SEC24B: variants seen among roughly 807,000 people sequenced by gnomAD.
The protein encoded by SEC24B is protein transport protein Sec24B.
A neutral mutation model predicts 142.8 loss-of-function variants in SEC24B; 45 were observed. That is an observed-to-expected ratio of 0.32 (90% confidence interval 0.25 to 0.40). The LOEUF is 0.40. Among genes scored for constraint, SEC24B ranks in the 10% least tolerant of loss-of-function variants. SEC24B has a pLI of 1.00. For missense variants in SEC24B, 1,409 were observed against 1,526.8 expected (o/e 0.92, Z 1.29); for synonymous variants, 574 against 568.2 (o/e 1.01, Z -0.15).
At chr4:109,503,939 C>A (rs1455855838) in intron 6 of SEC24B, among the ~76,000 whole-genome samples, 1 of 152,014 alleles carries the variant, frequency 6.6e-6, no homozygotes, top group African/African-American at 2.4e-5. Context: ...TATTTTATAT[C>A]CTAAATTCTT....
intron 1 of SEC24B, among the ~76,000 whole-genome samples, chr4:109,441,733 A>C (rs917283439): frequency 3.3e-5 from 5 of 152,082 alleles, no homozygotes; most frequent in Non-Finnish European, 5.9e-5. Context: ...TTGGCCCCTC[A>C]CTCATAGCAC....
chr4:109,538,802 G>A (rs1725841355), intron 23 of SEC24B, among the ~76,000 whole-genome samples: 1 of 151,834 alleles, frequency 6.6e-6, no homozygotes. Flanking sequence ...TTTAATTTGA[G>A]ATAGAGTCTC....
At chr4:109,487,444 A>G (rs1030182499) in intron 4 of SEC24B, among the ~76,000 whole-genome samples, 1 of 152,138 alleles carries the variant, frequency 6.6e-6, no homozygotes, top group Non-Finnish European at 1.5e-5. Flanking sequence ...GACAGGTGAG[A>G]GATGCAGGTG....
At chr4:109,533,994 ACTTTC>A (rs1041410356) in intron 22 of SEC24B, among the ~76,000 whole-genome samples, 19 of 150,962 alleles carry the variant, frequency 1.3e-4, no homozygotes, top group African/African-American at 4.4e-4. Context: ...GGCTTCTTTC[ACTTTC>A]CTTAATGTTT....
At chr4:109,531,855 TC>T (rs1724964272) in intron 20 of SEC24B, among the ~76,000 whole-genome samples, 1 of 152,200 alleles carries the variant, frequency 6.6e-6, no homozygotes, top group African/African-American at 2.4e-5. Context: ...CTCTTTATTT[TC>T]TTTTTTTTAA....
Position 109,531,964 on chromosome 4 carries a change from A to G in SEC24B, c.3390+442A>G, listed in dbSNP as rs139505396. Among the ~76,000 whole-genome samples, 1,158 of 152,168 alleles carry G rather than the reference A, an allele frequency of 7.6e-3. 18 individuals carry two copies. The highest frequency in any genetic ancestry group is 0.026 in the African/African-American group (1,079 of 41,516). On this transcript the variant is annotated intron_variant, in intron 20 of 23. Transcript: ENST00000265175. Reference sequence around the variant, plus strand: ...AGCTTCTGCCTCCCAGGTTCAAGCAATTCTGCTTCAGCCACCCAAGTTGCT... The same window carrying G: ...AGCTTCTGCCTCCCAGGTTCAAGCAGTTCTGCTTCAGCCACCCAAGTTGCT...
intron 4 of SEC24B, among the ~76,000 whole-genome samples, chr4:109,483,763 G>A (rs78621698): frequency 1.3e-5 from 2 of 152,026 alleles, no homozygotes; most frequent in Non-Finnish European, 1.5e-5. Context: ...CTCTAAATAC[G>A]TAAGTACCCA....
intron 4 of SEC24B, among the ~76,000 whole-genome samples, chr4:109,483,159 A>C (rs1176341687): frequency 6.7e-6 from 1 of 149,490 alleles, no homozygotes; most frequent in Non-Finnish European, 1.5e-5. Flanking sequence ...GGCTCACTGC[A>C]AGCTGCACCT....
Position 109,527,409 on chromosome 4 carries a change from C to T in SEC24B, c.3053C>T (p.Ala1018Val), listed in dbSNP as rs1724367394. 3 of 1,611,632 alleles carry T rather than the reference C, an allele frequency of 1.9e-6. No individual in the cohort carries two copies. Among genetic ancestry groups the T allele is most frequent in the African/African-American group, 1.3e-5 (1 of 74,744 alleles). Reference protein sequence around the residue: ...DVYAGVDVQAAICLLANMAVD... With the variant: ...DVYAGVDVQAVICLLANMAVD... Reference sequence around the variant, plus strand: ...TATGCGGGAGTGGATGTACAAGCTGCCATCTGCCTTCTGGCAAACATGGGT... The same window carrying T: ...TATGCGGGAGTGGATGTACAAGCTGTCATCTGCCTTCTGGCAAACATGGGT... Residue 1018 changes from alanine (A) to valine (V), a missense_variant, in exon 18 of 24, where the codon GCC becomes GTC. This residue lies in a region of SEC24B where 700 missense variants were observed against 853.3 expected (regional missense o/e 0.82). Coordinates refer to ENST00000265175, the MANE Select transcript of SEC24B (RefSeq NM_006323.5).
At position 109,433,858 on chromosome 4, in the gene SEC24B, A is replaced by T; in HGVS notation, c.-12A>T. On this transcript the variant is annotated 5_prime_UTR_variant, in exon 1 of 24. Transcript: ENST00000265175. ...TCCCTGAAGCGGAGCCGCCGTCGCCACCAGCGCCGTCATGTCGGCCCCCGC... is the reference window on the plus strand; with the variant it reads ...TCCCTGAAGCGGAGCCGCCGTCGCCTCCAGCGCCGTCATGTCGGCCCCCGC... 7.6e-7 allele frequency: 1 copy of T among 1,317,982 alleles called. No homozygotes were observed. Among genetic ancestry groups the T allele is most frequent in the Non-Finnish European group, 9.7e-7 (1 of 1,031,364 alleles). The allele number at this position is 1,317,982 out of a possible 1,614,324, so 81.6% of individuals were successfully genotyped here. A position where few individuals can be genotyped will look rare whatever the true frequency, so the allele number is the denominator to read the frequency against.
chr4:109,520,168 A>G (rs1255279582), intron 11 of SEC24B, among the ~76,000 whole-genome samples, 198 bp from the exon 12 acceptor site: 1 of 152,190 alleles, frequency 6.6e-6, no homozygotes, highest in Non-Finnish European at 1.5e-5. Flanking sequence ...CTATTGTTCT[A>G]ATATTGGAAC....
At position 109,445,428 on chromosome 4, in the gene SEC24B, T is replaced by C. The variant is rs1578758344; in HGVS notation, c.133+11426T>C. Among the ~76,000 whole-genome samples, 19 of 103,590 alleles carry C rather than the reference T, an allele frequency of 1.8e-4. No individual in the cohort carries two copies. The South Asian group carries it at 5.9e-3, about 32-fold the overall frequency. The allele number at this position is 103,590 out of a possible 152,430, so 68.0% of individuals were successfully genotyped here. On this transcript the variant is annotated intron_variant, in intron 1 of 23. Coordinates refer to ENST00000265175, the MANE Select transcript of SEC24B (RefSeq NM_006323.5). Reference sequence around the variant, plus strand: ...CCAGCTAATTTTTTTTTTTTTTTTTTGGATTTTTAGTAGAGATGGTGTTTC... The same window carrying C: ...CCAGCTAATTTTTTTTTTTTTTTTTCGGATTTTTAGTAGAGATGGTGTTTC...
intron 3 of SEC24B, among the ~76,000 whole-genome samples, chr4:109,475,352 G>T (rs1476758257): frequency 6.6e-6 from 1 of 152,212 alleles, no homozygotes; most frequent in East Asian, 1.9e-4. Flanking sequence ...TCTTCGAATT[G>T]TGCAGTGTAT....
intron 6 of SEC24B, 79 bp downstream of exon 6, chr4:109,494,935 G>A (rs1326097928): frequency 2.0e-6 from 3 of 1,527,428 alleles, no homozygotes; most frequent in Non-Finnish European, 2.7e-6. Context: ...ATTTGTACCT[G>A]TGATCCAAGT....
At chr4:109,468,999 C>A (rs1315677420) in intron 2 of SEC24B, among the ~76,000 whole-genome samples, 1 of 151,994 alleles carries the variant, frequency 6.6e-6, no homozygotes, top group East Asian at 1.9e-4. Flanking sequence ...TAAGGAGCTA[C>A]TAAGAACTAA....
At chr4:109,438,212 G>A (rs1218067141) in intron 1 of SEC24B, among the ~76,000 whole-genome samples, 3 of 152,154 alleles carry the variant, frequency 2.0e-5, no homozygotes, top group Non-Finnish European at 2.9e-5. Flanking sequence ...AACAGTATAG[G>A]CAAGTTACAG....
At chr4:109,442,527 G>A (rs182432349) in intron 1 of SEC24B, among the ~76,000 whole-genome samples, 70 of 151,602 alleles carry the variant, frequency 4.6e-4, no homozygotes, top group African/African-American at 1.7e-3. Context: ...ATTTATCTTA[G>A]TAGGATAAAG....
At chr4:109,500,544 TAAAAA>T (rs749051623) in intron 6 of SEC24B, among the ~76,000 whole-genome samples, 1 of 101,136 alleles carries the variant, frequency 9.9e-6, no homozygotes, top group East Asian at 2.7e-4. Flanking sequence ...GACTCCATCT[TAAAAA>T]AAAAAAAAAA....
intron 6 of SEC24B, 107 bp downstream of exon 6, chr4:109,494,963 A>T: frequency 7.5e-7 from 1 of 1,340,956 alleles, no homozygotes; most frequent in South Asian, 1.3e-5. Flanking sequence ...AGGTACAAAT[A>T]CATGTCAGCC....
Sources: gnomAD v4.1 joint callset for allele counts (sites outside exome capture counted in the v4.1 genomes callset) on GRCh38, gnomAD v4.1.1 for gene constraint, gnomAD v4.1.1 regional missense constraint, MANE v1.5 for transcripts, NCBI Gene and HGNC (gene_info 2026-07-23, HGNC 2026-07-21) for gene names.